Variants in CEP78 observed in about 807,000 individuals in gnomAD.
The protein encoded by CEP78 is centrosomal protein of 78 kDa.
A neutral mutation model predicts 81.2 loss-of-function variants in CEP78; 76 were observed. That is an observed-to-expected ratio of 0.94 (90% CI 0.78 to 1.13). The LOEUF is 1.13. CEP78 is among the 50% of genes most tolerant of loss of function. The probability of loss-of-function intolerance (pLI) is 0.00; values close to 1 mark genes in which losing one functional copy is unlikely to be tolerated. For missense variants in CEP78, 918 were observed against 846.8 expected (o/e 1.08, Z -1.04); for synonymous variants, 293 against 301.4 (o/e 0.97, Z 0.29).
intron 16 of CEP78, 147 bp from the exon 17 acceptor site, chr9:78,270,694 A>T: frequency 1.9e-6 from 1 of 514,846 alleles, no homozygotes; most frequent in Non-Finnish European, 3.4e-6. Context: ...ATGGGTATTT[A>T]CAGAATCTCT....
chr9:78,241,028 G>A (rs1011731838), intron 3 of CEP78, among the ~76,000 whole-genome samples: 22 of 152,096 alleles, frequency 1.4e-4, no homozygotes, highest in Non-Finnish European at 2.2e-4. Flanking sequence ...TTAATGCACT[G>A]TGGTATGTTC....
chr9:78,253,576 A>G (rs995053025), intron 10 of CEP78: 4 of 296,500 alleles, frequency 1.3e-5, no homozygotes, highest in Non-Finnish European at 1.9e-5. Context: ...ACATGGAGCT[A>G]TCATAGTCAA....
intron 13 of CEP78, among the ~76,000 whole-genome samples, chr9:78,265,005 G>A (rs1827451086): frequency 6.6e-6 from 1 of 152,126 alleles, no homozygotes; most frequent in Admixed American, 6.6e-5. Context: ...TTGAGGACTG[G>A]AGGAAAGGTG....
chr9:78,262,000 C>G (rs890678556), intron 11 of CEP78, among the ~76,000 whole-genome samples: 7 of 152,054 alleles, frequency 4.6e-5, no homozygotes, highest in Non-Finnish European at 1.0e-4. Context: ...GGTACACACA[C>G]CTGGATATTT....
chr9:78,236,140 A>T lies in CEP78; in HGVS notation c.-211A>T. On this transcript the variant is annotated 5_prime_UTR_variant, in exon 1 of 17. Transcript: ENST00000643273. ...CCAACTGCTTGGGCCGCAGGGCGGG[A>T]GGCAGCGCGGGAGTGGGGCGTTGAG... The T allele has an allele frequency of 1.8e-6, 1 of 551,832 alleles. No individual in the cohort carries two copies. Among genetic ancestry groups the T allele is most frequent in the East Asian group, 3.3e-5 (1 of 29,852 alleles). 34.2% of individuals were successfully genotyped at this position (551,832 alleles called of 1,614,324 possible).
At chr9:78,269,179 G>A (rs1827637858) in intron 16 of CEP78, among the ~76,000 whole-genome samples, 1 of 152,304 alleles carries the variant, frequency 6.6e-6, no homozygotes, top group Admixed American at 6.5e-5. Context: ...ATGAAGGGAG[G>A]GAGTAAGTTT....
intron 7 of CEP78, among the ~76,000 whole-genome samples, 154 bp downstream of exon 7, chr9:78,248,509 C>T (rs1211836325): frequency 2.0e-5 from 3 of 152,146 alleles, no homozygotes; most frequent in East Asian, 1.9e-4. Flanking sequence ...AGGTATATAT[C>T]GTTGTGCCCA....
intron 11 of CEP78, among the ~76,000 whole-genome samples, chr9:78,259,581 T>C (rs1270457706): frequency 6.6e-6 from 1 of 152,234 alleles, no homozygotes; most frequent in African/African-American, 2.4e-5. Context: ...TCTCTACTAA[T>C]TCTGTTCGTA....
At chr9:78,239,358 A>G (rs955961858) in intron 1 of CEP78, among the ~76,000 whole-genome samples, 2 of 152,216 alleles carry the variant, frequency 1.3e-5, no homozygotes, top group Non-Finnish European at 2.9e-5. Flanking sequence ...TTAAAGTGGC[A>G]TGCCCACGCA....
intron 10 of CEP78, 49 bp downstream of exon 10, chr9:78,253,326 G>T (rs1291007441): frequency 1.2e-6 from 1 of 836,306 alleles, no homozygotes; most frequent in African/African-American, 1.7e-5. Context: ...AATGGGAAGG[G>T]TGGAAGATCA....
In CEP78 at chr9:78,279,066, G is replaced by GAAAAAAAAAAA. The variant is rs375822706; in HGVS notation, c.*8219_*8229dup. On this transcript the variant is annotated 3_prime_UTR_variant, in exon 17 of 17. Transcript: ENST00000643273. ...TGTACATTTTAAACCACTGTGAACT[G>GAAAAAAAAAAA]AAAAAAAAAAAAAAGGCAACCTTGG... is the stretch of plus-strand genomic sequence containing the variant. 1.5e-3 allele frequency: 186 copies of GAAAAAAAAAAA among 121,568 alleles called. 2 individuals are homozygous for GAAAAAAAAAAA. The highest frequency in any genetic ancestry group is 5.7e-3 in the African/African-American group (183 of 32,248). 7.5% of individuals were successfully genotyped at this position (121,568 alleles called of 1,614,324 possible).
chr9:78,261,324 GGTT>G (rs1827263929), intron 11 of CEP78, among the ~76,000 whole-genome samples: 1 of 152,090 alleles, frequency 6.6e-6, no homozygotes, highest in Admixed American at 6.6e-5. Flanking sequence ...GATATTCAAG[GGTT>G]GTTGTACAGG....
At position 78,273,617 on chromosome 9, in the gene CEP78, C is replaced by T. The variant is rs1413102587; in HGVS notation, c.*2766C>T. 5 of 151,414 alleles carry T rather than the reference C, an allele frequency of 3.3e-5. No homozygotes were observed. The highest frequency in any genetic ancestry group is 1.2e-4 in the African/African-American group (5 of 41,168). The allele number at this position is 151,414 out of a possible 1,614,324, so 9.4% of individuals were successfully genotyped here. ...AAAAAATTAGCTGGGTGTCATGGCGCATGCCTGTAATCCCAGCTACTCGGG... is the reference window on the plus strand; with the variant it reads ...AAAAAATTAGCTGGGTGTCATGGCGTATGCCTGTAATCCCAGCTACTCGGG... On this transcript the variant is annotated 3_prime_UTR_variant, in exon 17 of 17. Coordinates refer to ENST00000643273, the MANE Select transcript of CEP78 (RefSeq NM_001330691.3).
chr9:78,277,165 A>G lies in CEP78; in HGVS notation c.*6314A>G, dbSNP rs1299413400. 8 of 152,190 alleles carry G rather than the reference A, an allele frequency of 5.3e-5. No homozygotes were observed. Among genetic ancestry groups the G allele is most frequent in the African/African-American group, 4.8e-5 (2 of 41,454 alleles). 9.4% of individuals were successfully genotyped at this position (152,190 alleles called of 1,614,324 possible). ...TTCATATCATGGATGAAAAAAATCA[A>G]GATGAATTAAACATGGAAATTAAAA... On this transcript the variant is annotated 3_prime_UTR_variant, in exon 17 of 17. Transcript: ENST00000643273.
In CEP78 at chr9:78,242,111, T is replaced by TA. The variant is rs1482788025; in HGVS notation, c.603+313dup. ...ATTACTACTGTATTTAGGATAAAATTACATAATAATGTGACATGAAGCCTT... is the reference window on the plus strand; with the variant it reads ...ATTACTACTGTATTTAGGATAAAATTAACATAATAATGTGACATGAAGCCTT... On this transcript the variant is annotated intron_variant, in intron 4 of 16. Coordinates refer to ENST00000643273, the MANE Select transcript of CEP78 (RefSeq NM_001330691.3). Among the ~76,000 whole-genome samples, 5 of 152,328 alleles carry TA rather than the reference T, an allele frequency of 3.3e-5. No individual in the cohort carries two copies. The East Asian group carries it at 9.6e-4, about 29-fold the overall frequency.
intron 13 of CEP78, among the ~76,000 whole-genome samples, chr9:78,265,042 G>A (rs1440020535): frequency 6.6e-6 from 1 of 152,128 alleles, no homozygotes; most frequent in Non-Finnish European, 1.5e-5. Context: ...ATGAAGGTGA[G>A]AGGCAGTAGG....
intron 8 of CEP78, chr9:78,249,788 A>G (rs1373850187): frequency 6.6e-6 from 1 of 152,326 alleles, no homozygotes; most frequent in Non-Finnish European, 1.5e-5. Context: ...TCTTGTAAGT[A>G]ACTTTGAATT....
In CEP78 at chr9:78,252,032, A is replaced by C; in HGVS notation, c.1194A>C (p.Ala398=). The part of the protein sequence containing the change: ...GFLPWRTAER[A]KRHRGFPLIK... ...TGCCGTGGCGTACTGCAGAACGTGC[A>C]AAAAGACACAGGTAGGGTATTTTTA... Residue 398 remains alanine, a synonymous_variant, in exon 9 of 17, where the codon GCA becomes GCC. Coordinates refer to ENST00000643273, the MANE Select transcript of CEP78 (RefSeq NM_001330691.3). 6.3e-7 allele frequency: 1 copy of C among 1,591,538 alleles called. No individual in the cohort carries two copies. The highest frequency in any genetic ancestry group is 8.6e-7 in the Non-Finnish European group (1 of 1,163,812).
intron 6 of CEP78, among the ~76,000 whole-genome samples, chr9:78,247,001 T>A (rs1256738442): frequency 6.6e-6 from 1 of 152,264 alleles, no homozygotes; most frequent in Non-Finnish European, 1.5e-5. Flanking sequence ...ACCTAGATAA[T>A]AAATCTGCTT....
Sources: gnomAD v4.1 joint callset for allele counts (sites outside exome capture counted in the v4.1 genomes callset) on GRCh38, gnomAD v4.1.1 for gene constraint, MANE v1.5 for transcripts, NCBI Gene and HGNC (gene_info 2026-07-23, HGNC 2026-07-21) for gene names.